Variants in SLC2A2 observed in about 807,000 individuals in gnomAD.
SLC2A2 encodes solute carrier family 2, facilitated glucose transporter member 2.
A neutral mutation model predicts 54.5 loss-of-function variants in SLC2A2; 36 were observed. The observed-to-expected ratio is 0.66, with a 90% CI of 0.51 to 0.87. The LOEUF (loss-of-function observed/expected upper bound fraction) is 0.87. Among genes scored for constraint, SLC2A2 ranks in the 40% least tolerant of loss-of-function variants. The pLI is 0.00. For synonymous variants in SLC2A2, 223 were observed against 219.1 expected, an observed-to-expected ratio of 1.02 and a Z score of -0.16; for missense variants, 543 against 624.3, an observed-to-expected ratio of 0.87 and a Z score of 1.39.
chr3:171,016,686 CAGCTCTTTAAATACAAA>C (rs1489733978), intron 2 of SLC2A2, among the ~76,000 whole-genome samples: 10 of 152,060 alleles, frequency 6.6e-5, no homozygotes, highest in African/African-American at 2.4e-4. Context: ...GGTGTTTCAG[CAGCTCTTTAAATACAAA>C]AGGAAGGGCC....
Position 171,006,138 on chromosome 3 carries a change from A to G in SLC2A2, c.613-33T>C, listed in dbSNP as rs13306760. 4.4e-5 allele frequency: 70 copies of G among 1,588,956 alleles called. 3 individuals are homozygous for G. The South Asian group carries it at 7.5e-4, about 17-fold the overall frequency. On this transcript the variant is annotated intron_variant, in intron 5 of 10. Transcript: ENST00000314251. ...TGCAAGGAGGAAGTATATCAACTAC[A>G]TAATACTTTGGATCTACCTTTTACA...
chr3:171,012,618 G>A (rs1420512871), intron 3 of SLC2A2, among the ~76,000 whole-genome samples: 1 of 151,882 alleles, frequency 6.6e-6, no homozygotes, highest in Non-Finnish European at 1.5e-5. Context: ...TTTTTTAAAG[G>A]CAATAATGGA....
chr3:171,015,857 A>G (rs1716128098), intron 2 of SLC2A2, among the ~76,000 whole-genome samples: 3 of 152,216 alleles, frequency 2.0e-5, no homozygotes, highest in Admixed American at 2.0e-4. Context: ...AGAATGGACA[A>G]CATTGGAAAC....
At position 171,012,745 on chromosome 3, in the gene SLC2A2, A is replaced by C. The variant is rs370788163; in HGVS notation, c.371+1724T>G. On this transcript the variant is annotated intron_variant, in intron 3 of 10. Coordinates refer to ENST00000314251, the MANE Select transcript of SLC2A2 (RefSeq NM_000340.2). ...GAAAGATAATTTTATGGGGATACTGATAACTTTGTCTTAATTTTGATGTTG... is the reference window on the plus strand; with the variant it reads ...GAAAGATAATTTTATGGGGATACTGCTAACTTTGTCTTAATTTTGATGTTG... Among the ~76,000 whole-genome samples the C allele has an allele frequency of 3.2e-3, 490 of 152,258 alleles. 5 individuals are homozygous for C. Among genetic ancestry groups the C allele is most frequent in the African/African-American group, 0.011 (472 of 41,560 alleles).
intron 6 of SLC2A2, 145 bp downstream of exon 6, chr3:171,005,798 G>T: frequency 1.3e-6 from 1 of 795,626 alleles, no homozygotes; most frequent in Non-Finnish European, 2.1e-6. Context: ...GCCTATGGGT[G>T]CCAAATGACA....
At chr3:171,021,272 C>G (rs1250095414) in intron 1 of SLC2A2, among the ~76,000 whole-genome samples, 1 of 152,106 alleles carries the variant, frequency 6.6e-6, no homozygotes, top group African/African-American at 2.4e-5. Flanking sequence ...AAGGAGTACC[C>G]TGGGAGGGCT....
At chr3:170,998,450 C>T in intron 9 of SLC2A2, 54 bp from the exon 10 acceptor site, 1 of 1,459,158 alleles carries the variant, frequency 6.9e-7, no homozygotes, top group Middle Eastern at 1.7e-4. Context: ...GCTGCTTTTT[C>T]CTTTAGCTAA....
At chr3:171,015,859 A>G (rs1403704437) in intron 2 of SLC2A2, among the ~76,000 whole-genome samples, 1 of 152,200 alleles carries the variant, frequency 6.6e-6, no homozygotes, top group Non-Finnish European at 1.5e-5. Flanking sequence ...AATGGACAAC[A>G]TTGGAAACTA....
At position 170,998,046 on chromosome 3, in the gene SLC2A2, G is replaced by C. The variant is rs5397; in HGVS notation, c.1432C>G (p.Leu478Val). The stretch of plus-strand genomic sequence containing the variant: ...TCTGGAACTTTAAAAAATGTGAACA[G>C]GGTAAAGGCCAGGAGCACTCCAGCA... ...LFAGVLLAFT[L>V]FTFFKVPETK... The change falls in exon 11 of 11, where the codon CTG becomes GTG. Residue 478 changes from leucine to valine, a missense_variant. By Grantham distance (32) the Leu-to-Val change is conservative. Transcript: ENST00000314251. 2,032 of 1,613,612 alleles carry C rather than the reference G, an allele frequency of 1.3e-3. 8 individuals are homozygous for C. The highest frequency in any genetic ancestry group is 2.2e-3 in the South Asian group (202 of 91,078).
At chr3:171,018,027 A>T (rs187833776) in intron 2 of SLC2A2, among the ~76,000 whole-genome samples, 2,690 of 152,208 alleles carry the variant, frequency 0.018, 77 homozygotes, top group African/African-American at 0.061. Context: ...AGGGCTTCTT[A>T]AGGTTTTAAT....
At position 171,005,299 on chromosome 3, in the gene SLC2A2, A is replaced by G; in HGVS notation, c.949T>C (p.Ser317Pro). 6.2e-7 allele frequency: 1 copy of G among 1,612,900 alleles called. No homozygotes were observed. Among genetic ancestry groups the G allele is most frequent in the Non-Finnish European group, 8.5e-7 (1 of 1,179,210 alleles). The change falls in exon 7 of 11, where the codon TCC becomes CCC. Residue 317 changes from serine to proline, a missense_variant. Physicochemically the swap from Ser to Pro is moderately conservative, Grantham distance 74. Around this residue, in one of 3 missense-constraint regions of SLC2A2, gnomAD observed 117 missense variants for 179.2 expected, o/e 0.65. Transcript: ENST00000314251. ...CTTAAACTTACGCCATTGATTCCGG[A>G]AAATTGCTGAGCCACATGCAGCATC... ...ALMLHVAQQF[S>P]GINGIFYYST...
intron 1 of SLC2A2, among the ~76,000 whole-genome samples, chr3:171,022,074 C>T (rs1192476034): frequency 1.3e-5 from 2 of 152,238 alleles, no homozygotes; most frequent in African/African-American, 4.8e-5. Flanking sequence ...TCTGGCAATG[C>T]AGCTGTGGAC....
intron 8 of SLC2A2, 60 bp from the exon 9 acceptor site, chr3:170,999,226 C>T (rs1715235495): frequency 8.9e-7 from 1 of 1,124,756 alleles, no homozygotes; most frequent in Non-Finnish European, 1.4e-6. Context: ...TGACTGTTTA[C>T]TTAAATCATT....
chr3:171,008,721 T>G (rs1458548892), intron 4 of SLC2A2, among the ~76,000 whole-genome samples: 3 of 152,064 alleles, frequency 2.0e-5, no homozygotes, highest in Non-Finnish European at 2.9e-5. Flanking sequence ...TGTTATTATC[T>G]GCATTTTATG....
chr3:171,025,310 A>AT (rs11435971), intron 1 of SLC2A2, among the ~76,000 whole-genome samples: 32,679 of 149,458 alleles, frequency 0.22, 5,344 homozygotes, highest in African/African-American at 0.47. Flanking sequence ...GTGTTTATAC[A>AT]TTATAATATA....
At chr3:171,025,969 G>A (rs1310135285) in intron 1 of SLC2A2, among the ~76,000 whole-genome samples, 1 of 152,090 alleles carries the variant, frequency 6.6e-6, no homozygotes, top group Non-Finnish European at 1.5e-5. Flanking sequence ...CTCTCGCTCT[G>A]TAGTGTTTGT....
chr3:171,015,605 A>G (rs1716114566), intron 2 of SLC2A2, among the ~76,000 whole-genome samples: 1 of 152,208 alleles, frequency 6.6e-6, no homozygotes, highest in African/African-American at 2.4e-5. Flanking sequence ...AAGACTGGGA[A>G]AGTTAAGATG....
intron 4 of SLC2A2, 129 bp from the exon 5 acceptor site, chr3:171,007,392 G>A (rs747576729): frequency 4.3e-6 from 3 of 693,862 alleles, no homozygotes; most frequent in Non-Finnish European, 7.9e-6. Context: ...ATGAACCCTT[G>A]TTCCTAGGTA....
intron 2 of SLC2A2, among the ~76,000 whole-genome samples, chr3:171,015,112 A>G (rs1347233808): frequency 6.6e-6 from 1 of 152,208 alleles, no homozygotes; most frequent in African/African-American, 2.4e-5. Flanking sequence ...AAAGTCAGAA[A>G]TCTGAGTTTT....
Sources: allele counts gnomAD v4.1 joint callset (sites outside exome capture counted in the v4.1 genomes callset), GRCh38; gene constraint gnomAD v4.1.1; regional missense constraint gnomAD v4.1.1; transcripts MANE v1.5; gene names NCBI Gene and HGNC (gene_info 2026-07-23, HGNC 2026-07-21).